GALNTL6: variants seen among roughly 807,000 people sequenced by gnomAD.
GALNTL6 encodes polypeptide N-acetylgalactosaminyltransferase-like 6.
GALNTL6 carries 46 observed loss-of-function variants against 73.7 expected under a neutral mutation model. The observed-to-expected ratio is 0.62, with a 90% CI of 0.49 to 0.80. The LOEUF is 0.80. Among genes scored for constraint, GALNTL6 ranks in the 30% least tolerant of loss-of-function variants. GALNTL6 has a pLI of 0.00. For synonymous variants in GALNTL6, 259 were observed against 263.7 expected (o/e 0.98, Z 0.17); for missense variants, 604 against 755.0 (o/e 0.80, Z 2.34).
intron 7 of GALNTL6, among the ~76,000 whole-genome samples, chr4:172,833,127 T>C (rs1742729511): frequency 6.6e-6 from 1 of 152,090 alleles, no homozygotes; most frequent in Non-Finnish European, 1.5e-5. Flanking sequence ...AACATGGGCG[T>C]TCTTCCGGGA....
intron 2 of GALNTL6, among the ~76,000 whole-genome samples, chr4:171,950,725 G>T (rs1490617016): frequency 6.6e-6 from 1 of 151,986 alleles, no homozygotes; most frequent in Non-Finnish European, 1.5e-5. Flanking sequence ...TGATCCGCCC[G>T]CCTCGGCCTC....
At chr4:172,105,713 A>G (rs1732656921) in intron 2 of GALNTL6, among the ~76,000 whole-genome samples, 3 of 152,146 alleles carry the variant, frequency 2.0e-5, no homozygotes, top group Admixed American at 2.0e-4. Context: ...CAACTAAAGA[A>G]CTGTCAACTA....
At chr4:172,644,232 G>A (rs1415390536) in intron 5 of GALNTL6, among the ~76,000 whole-genome samples, 1 of 151,238 alleles carries the variant, frequency 6.6e-6, no homozygotes, top group African/African-American at 2.4e-5. Flanking sequence ...ATACAGTGTA[G>A]GTGTGTATGT....
chr4:172,489,554 A>G (rs1002181025), intron 5 of GALNTL6, among the ~76,000 whole-genome samples: 4 of 152,230 alleles, frequency 2.6e-5, no homozygotes, highest in Non-Finnish European at 5.9e-5. Context: ...CAGAGCAATA[A>G]ATATGACTAG....
intron 5 of GALNTL6, among the ~76,000 whole-genome samples, chr4:172,367,250 T>C (rs1398628098): frequency 2.0e-5 from 3 of 152,226 alleles, no homozygotes; most frequent in African/African-American, 7.2e-5. Context: ...TGCTGGTTAC[T>C]TTCTTCCCAT....
intron 7 of GALNTL6, among the ~76,000 whole-genome samples, chr4:172,851,909 T>C (rs569048170): frequency 2.6e-5 from 4 of 152,116 alleles, no homozygotes; most frequent in Admixed American, 6.5e-5. Context: ...CTCTGCCTGA[T>C]TAGACCAGGA....
intron 2 of GALNTL6, among the ~76,000 whole-genome samples, chr4:171,925,258 G>T (rs1737941414): frequency 6.6e-6 from 1 of 152,138 alleles, no homozygotes; most frequent in African/African-American, 2.4e-5. Context: ...TAAGGATGTC[G>T]CAGTGCCTGA....
chr4:172,693,217 T>A (rs533216105), intron 5 of GALNTL6, among the ~76,000 whole-genome samples: 111 of 152,306 alleles, frequency 7.3e-4, no homozygotes, highest in African/African-American at 2.5e-3. Context: ...TATATAGAAT[T>A]TCAGTCCTAA....
At chr4:172,935,064 AC>A (rs1489680490) in intron 9 of GALNTL6, among the ~76,000 whole-genome samples, 2 of 152,086 alleles carry the variant, frequency 1.3e-5, no homozygotes, top group Non-Finnish European at 2.9e-5. Context: ...GAGAGCAGTC[AC>A]CCCACGGCTA....
intron 2 of GALNTL6, among the ~76,000 whole-genome samples, chr4:171,872,231 C>A (rs953868818): frequency 2.0e-5 from 3 of 152,150 alleles, no homozygotes; most frequent in Non-Finnish European, 4.4e-5. Flanking sequence ...AAGACTTTTT[C>A]TTGAATCATG....
intron 3 of GALNTL6, among the ~76,000 whole-genome samples, chr4:172,256,891 C>T (rs1007792269): frequency 6.6e-6 from 1 of 151,250 alleles, no homozygotes; most frequent in Non-Finnish European, 1.5e-5. Context: ...TCTATATTCC[C>T]AGAGGAAAAA....
At chr4:171,923,062 A>G (rs1399500242) in intron 2 of GALNTL6, among the ~76,000 whole-genome samples, 1 of 152,160 alleles carries the variant, frequency 6.6e-6, no homozygotes. Context: ...ACAAATATAA[A>G]TAATATTTAT....
chr4:171,966,169 G>GA (rs1435663756), intron 2 of GALNTL6, among the ~76,000 whole-genome samples: 2 of 152,092 alleles, frequency 1.3e-5, no homozygotes, highest in African/African-American at 4.8e-5. Flanking sequence ...AGTCATAGGG[G>GA]AGATCCTAAA....
intron 5 of GALNTL6, among the ~76,000 whole-genome samples, chr4:172,356,133 G>A (rs552428447): frequency 1.8e-4 from 28 of 152,234 alleles, no homozygotes; most frequent in African/African-American, 6.3e-4. Context: ...GCTCACCAAC[G>A]TCACAAAGGC....
At chr4:171,855,737 A>C (rs1018761852) in intron 2 of GALNTL6, among the ~76,000 whole-genome samples, 1 of 152,190 alleles carries the variant, frequency 6.6e-6, no homozygotes, top group African/African-American at 2.4e-5. Flanking sequence ...AATGACTGGG[A>C]GTTCCTGTTA....
intron 3 of GALNTL6, among the ~76,000 whole-genome samples, chr4:172,270,096 G>T (rs1738588325): frequency 6.6e-6 from 1 of 151,986 alleles, no homozygotes; most frequent in South Asian, 2.1e-4. Flanking sequence ...AGAATAAATT[G>T]CCAGATTATC....
chr4:172,898,449 TA>T (rs545908855), intron 8 of GALNTL6, among the ~76,000 whole-genome samples: 2,209 of 141,294 alleles, frequency 0.016, 28 homozygotes, highest in East Asian at 0.064. Context: ...AGATGGTATT[TA>T]AAAAAAAAAA....
chr4:172,164,044 A>T (rs1734550074), intron 2 of GALNTL6, among the ~76,000 whole-genome samples: 1 of 152,046 alleles, frequency 6.6e-6, no homozygotes, highest in African/African-American at 2.4e-5. Flanking sequence ...ATGGAAGTTT[A>T]CGAGAGGATC....
chr4:171,877,290 T>C (rs917822955), intron 2 of GALNTL6, among the ~76,000 whole-genome samples: 2 of 152,160 alleles, frequency 1.3e-5, no homozygotes, highest in Non-Finnish European at 2.9e-5. Flanking sequence ...AATTTAGTCT[T>C]TTCAGTCTTT....
Sources: gnomAD v4.1 joint callset for allele counts (sites outside exome capture counted in the v4.1 genomes callset) on GRCh38, gnomAD v4.1.1 for gene constraint, MANE v1.5 for transcripts, NCBI Gene and HGNC (gene_info 2026-07-23, HGNC 2026-07-21) for gene names.